MECOM: variants seen among roughly 807,000 people sequenced by gnomAD.
MECOM encodes histone-lysine N-methyltransferase MECOM.
MECOM carries 13 observed loss-of-function variants against 116.3 expected under a neutral mutation model. That is an observed-to-expected ratio of 0.11 (90% CI 0.07 to 0.18). The LOEUF (loss-of-function observed/expected upper bound fraction) is 0.18. MECOM is among the 10% of genes least tolerant of loss of function. The pLI, the probability that MECOM is intolerant of heterozygous loss-of-function variation, is 1.00. For missense variants in MECOM, 1,299 were observed against 1,509.0 expected (o/e 0.86, Z 2.31); for synonymous variants, 528 against 535.2 (o/e 0.99, Z 0.19).
intron 1 of MECOM, among the ~76,000 whole-genome samples, chr3:169,463,777 T>C (rs1747829642): frequency 6.6e-6 from 1 of 152,136 alleles, no homozygotes; most frequent in Admixed American, 6.6e-5. Flanking sequence ...GAGAGTGCAA[T>C]AAGATGGCCT....
intron 2 of MECOM, among the ~76,000 whole-genome samples, chr3:169,158,538 G>A (rs187963364): frequency 3.5e-4 from 53 of 152,200 alleles, no homozygotes; most frequent in Non-Finnish European, 2.4e-4. Flanking sequence ...TATGAGTATC[G>A]TGTTCCATCA....
chr3:169,660,606 A>G (rs972315013), intron 1 of MECOM, among the ~76,000 whole-genome samples: 2 of 152,120 alleles, frequency 1.3e-5, no homozygotes, highest in African/African-American at 2.4e-5. Flanking sequence ...TTCCATTGTA[A>G]TGTTTTCTCT....
intron 1 of MECOM, among the ~76,000 whole-genome samples, chr3:169,409,997 G>A (rs1737287078): frequency 6.6e-6 from 1 of 152,122 alleles, no homozygotes; most frequent in African/African-American, 2.4e-5. Context: ...CAATACTATG[G>A]CTACAAAAAT....
intron 2 of MECOM, among the ~76,000 whole-genome samples, chr3:169,245,831 T>C (rs1218183519): frequency 6.6e-6 from 1 of 152,182 alleles, no homozygotes; most frequent in Non-Finnish European, 1.5e-5. Flanking sequence ...AATAAAAAAG[T>C]CGCTATTCAT....
At chr3:169,231,114 G>A (rs1391907913) in intron 2 of MECOM, among the ~76,000 whole-genome samples, 1 of 151,952 alleles carries the variant, frequency 6.6e-6, no homozygotes, top group African/African-American at 2.4e-5. Context: ...TGCATCTATA[G>A]TCTTGATCTC....
At chr3:169,372,039 A>T (rs550323750) in intron 2 of MECOM, among the ~76,000 whole-genome samples, 1 of 152,194 alleles carries the variant, frequency 6.6e-6, no homozygotes, top group Non-Finnish European at 1.5e-5. Flanking sequence ...CCAAGCATTG[A>T]TTCAAAATTA....
At chr3:169,263,123 A>ATC (rs1757794871) in intron 2 of MECOM, among the ~76,000 whole-genome samples, 1 of 19,646 alleles carries the variant, frequency 5.1e-5, no homozygotes, top group African/African-American at 2.4e-4. Flanking sequence ...ATATATATAT[A>ATC]TATATGTTTT....
intron 2 of MECOM, among the ~76,000 whole-genome samples, chr3:169,243,410 A>G (rs1349051399): frequency 6.6e-6 from 1 of 152,172 alleles, no homozygotes; most frequent in Admixed American, 6.5e-5. Context: ...AGAGTTTTAA[A>G]GTGCCTGAAG....
chr3:169,293,245 T>G (rs1190092281), intron 2 of MECOM, among the ~76,000 whole-genome samples: 2 of 152,112 alleles, frequency 1.3e-5, no homozygotes, highest in Non-Finnish European at 1.5e-5. Context: ...CTCACCTTCA[T>G]GGTTTCACGC....
intron 1 of MECOM, among the ~76,000 whole-genome samples, chr3:169,496,343 T>C (rs1753812764): frequency 6.6e-6 from 1 of 152,238 alleles, no homozygotes. Context: ...TATTATCCCT[T>C]AGCTAAGAGC....
chr3:169,331,161 T>C (rs1722646412), intron 2 of MECOM, among the ~76,000 whole-genome samples: 3 of 152,070 alleles, frequency 2.0e-5, no homozygotes, highest in African/African-American at 7.2e-5. Context: ...CACCAAGATA[T>C]AGATATTAAT....
intron 1 of MECOM, among the ~76,000 whole-genome samples, chr3:169,598,759 T>C (rs1391474027): frequency 3.9e-5 from 6 of 152,196 alleles, no homozygotes; most frequent in Non-Finnish European, 7.3e-5. Flanking sequence ...ATTATCATCA[T>C]GAGTTGCTAG....
rs772698073 is a variant in MECOM at position 169,289,498 on chromosome 3, CT to C, written c.375+91688del. Among the ~76,000 whole-genome samples, 14 of 152,248 alleles carry C rather than the reference CT, an allele frequency of 9.2e-5. No individual in the cohort carries two copies. The East Asian group carries it at 9.6e-4, about 10-fold the overall frequency. On this transcript the variant is annotated intron_variant, in intron 2 of 16. Transcript: ENST00000651503. ...AAATGACCCATTTATATGGATGAAC[CT>C]CTTTGCTTTGTGCATTTCATTAGCA...
intron 12 of MECOM, among the ~76,000 whole-genome samples, chr3:169,099,548 C>A (rs898189211): frequency 1.3e-5 from 2 of 152,104 alleles, no homozygotes; most frequent in African/African-American, 4.8e-5. Context: ...AAGTTTAGCT[C>A]CCTCTAGCTT....
chr3:169,515,859 A>C (rs963502296), intron 1 of MECOM, among the ~76,000 whole-genome samples: 1 of 152,234 alleles, frequency 6.6e-6, no homozygotes, highest in Admixed American at 6.5e-5. Context: ...TTAACATTGC[A>C]TAGTACTTTT....
At chr3:169,354,508 T>A (rs573561734) in intron 2 of MECOM, among the ~76,000 whole-genome samples, 1 of 152,088 alleles carries the variant, frequency 6.6e-6, no homozygotes, top group African/African-American at 2.4e-5. Flanking sequence ...AAATTGGCAG[T>A]TTCTATTTCT....
chr3:169,233,037 A>G (rs943562388), intron 2 of MECOM, among the ~76,000 whole-genome samples: 3 of 152,050 alleles, frequency 2.0e-5, no homozygotes, highest in African/African-American at 7.2e-5. Flanking sequence ...ATTATGCTCT[A>G]TAATTGTGGA....
intron 1 of MECOM, among the ~76,000 whole-genome samples, chr3:169,533,591 T>TTTTTTTTTTTTTTC (rs55667588): frequency 2.3e-5 from 3 of 132,238 alleles, no homozygotes; most frequent in African/African-American, 8.7e-5. Context: ...TTTTTTTTTT[T>TTTTTTTTTTTTTTC]ATTTCCTTAT....
chr3:169,443,054 A>T (rs1744003135), intron 1 of MECOM, among the ~76,000 whole-genome samples: 1 of 152,210 alleles, frequency 6.6e-6, no homozygotes, highest in African/African-American at 2.4e-5. Context: ...ATCAAAAAAA[A>T]AATTCACAAT....
Sources: gnomAD v4.1 joint callset for allele counts (sites outside exome capture counted in the v4.1 genomes callset) on GRCh38, gnomAD v4.1.1 for gene constraint, MANE v1.5 for transcripts, NCBI Gene and HGNC (gene_info 2026-07-23, HGNC 2026-07-21) for gene names.